SLC6A15: variants seen among roughly 807,000 people sequenced by gnomAD.
The protein encoded by SLC6A15 is solute carrier family 6 member 15, also known as sodium-dependent neutral amino acid transporter B(0)AT2.
SLC6A15 carries 33 observed loss-of-function variants against 68.5 expected under a neutral mutation model. The ratio of observed to expected loss-of-function variants is 0.48; its 90% CI spans 0.37 to 0.64. The LOEUF (loss-of-function observed/expected upper bound fraction) is 0.64. SLC6A15 is among the 30% of genes least tolerant of loss of function. The pLI, the probability that SLC6A15 is intolerant of heterozygous loss-of-function variation, is 0.00. For missense variants in SLC6A15, 747 were observed against 874.3 expected (o/e 0.85, Z 1.84); for synonymous variants, 347 against 301.0 (o/e 1.15, Z -1.58).
chr12:84,874,319 C>T (rs191617149), intron 6 of SLC6A15, among the ~76,000 whole-genome samples: 43 of 152,280 alleles, frequency 2.8e-4, no homozygotes, highest in African/African-American at 8.9e-4. Context: ...CCACTTACCA[C>T]GGTGCCTACC....
At chr12:84,862,924 G>C (rs191232096) in intron 11 of SLC6A15, among the ~76,000 whole-genome samples, 7 of 152,076 alleles carry the variant, frequency 4.6e-5, no homozygotes, top group African/African-American at 1.7e-4. Flanking sequence ...CGAGTAGCTA[G>C]GACTATAGCC....
chr12:84,912,535 T>G lies in SLC6A15; in HGVS notation c.-201A>C, dbSNP rs994642724. 2.0e-5 allele frequency: 3 copies of G among 152,578 alleles called. No individual in the cohort carries two copies. Among genetic ancestry groups the G allele is most frequent in the Non-Finnish European group, 4.4e-5 (3 of 68,360 alleles). 9.5% of individuals were successfully genotyped at this position (152,578 alleles called of 1,614,324 possible). A position where few individuals can be genotyped will look rare whatever the true frequency, so the allele number is the denominator to read the frequency against. On this transcript the variant is annotated 5_prime_UTR_variant, in exon 1 of 12. Transcript: ENST00000266682. The stretch of plus-strand genomic sequence containing the variant: ...CGCTTGCCATTACCGTCAGTGTGTC[T>G]TGACCAAGCGCCTCTTGCTGCTTCC...
chr12:84,891,241 A>C (rs986813691), intron 2 of SLC6A15, among the ~76,000 whole-genome samples: 17 of 152,220 alleles, frequency 1.1e-4, no homozygotes, highest in Non-Finnish European at 1.5e-4. Flanking sequence ...ATTGTTCCAA[A>C]ATACCCCCAT....
Position 84,900,675 on chromosome 12 carries a change from A to G in SLC6A15, c.-188-8367T>C, listed in dbSNP as rs906622432. ...TTGAATTACTGTGTTAAATTTTGACAAATTATTTTTGCCTTTATTAAGATA... is the reference window on the plus strand; with the variant it reads ...TTGAATTACTGTGTTAAATTTTGACGAATTATTTTTGCCTTTATTAAGATA... On this transcript the variant is annotated intron_variant, in intron 1 of 11. Coordinates refer to ENST00000266682, the MANE Select transcript of SLC6A15 (RefSeq NM_182767.6). Among the ~76,000 whole-genome samples the G allele has an allele frequency of 5.3e-5, 8 of 151,792 alleles. No homozygotes were observed. In the South Asian group the frequency reaches 1.7e-3, roughly 31 times the overall value.
At chr12:84,867,463 G>A in intron 9 of SLC6A15, 1 of 215,190 alleles carries the variant, frequency 4.6e-6, no homozygotes, top group Non-Finnish European at 9.1e-6. Context: ...TAATAAATGA[G>A]TCAAAGTTTA....
chr12:84,864,057 T>C (rs561923913), intron 10 of SLC6A15, among the ~76,000 whole-genome samples: 89 of 149,876 alleles, frequency 5.9e-4, no homozygotes, highest in African/African-American at 2.2e-3. Flanking sequence ...CTTTTAGTAA[T>C]AATTACTTAT....
chr12:84,892,099 C>A lies in SLC6A15; in HGVS notation c.22G>T (p.Val8Leu), dbSNP rs1872428016. The change falls in exon 2 of 12, where the codon GTA becomes TTA. Residue 8 changes from valine to leucine, a missense_variant. Physicochemically the swap from Val to Leu is conservative, Grantham distance 32 (BLOSUM62 1). Transcript: ENST00000266682. ...ACATCATCATCTAATTCTCTTTTTA[C>A]CACCTTGCTATTTTTGGGCATTGGA... MPKNSKV[V>L]KRELDDDVTE... is the part of the protein sequence containing the mutation. 1 of 1,611,984 alleles carries A rather than the reference C, an allele frequency of 6.2e-7. No homozygotes were observed. Among genetic ancestry groups the A allele is most frequent in the Admixed American group, 1.7e-5 (1 of 59,824 alleles).
intron 5 of SLC6A15, chr12:84,881,594 T>C (rs917250031): frequency 9.1e-6 from 9 of 985,206 alleles, no homozygotes; most frequent in Non-Finnish European, 1.1e-5. Flanking sequence ...CCACTTAGCA[T>C]TTTGGGGTAT....
chr12:84,887,107 T>C (rs964763109), intron 2 of SLC6A15, among the ~76,000 whole-genome samples: 1 of 152,204 alleles, frequency 6.6e-6, no homozygotes, highest in African/African-American at 2.4e-5. Flanking sequence ...CAAATTATTA[T>C]TAAATGACCT....
At chr12:84,878,858 A>G (rs1871684910) in intron 5 of SLC6A15, among the ~76,000 whole-genome samples, 1 of 147,476 alleles carries the variant, frequency 6.8e-6, no homozygotes. Context: ...TCACCTCTCA[A>G]TAGCACAACA....
At chr12:84,905,714 A>C (rs1273077889) in intron 1 of SLC6A15, among the ~76,000 whole-genome samples, 1 of 152,240 alleles carries the variant, frequency 6.6e-6, no homozygotes, top group Non-Finnish European at 1.5e-5. Flanking sequence ...CATTTGGTTG[A>C]ATCTGTGGAT....
intron 1 of SLC6A15, among the ~76,000 whole-genome samples, chr12:84,903,233 A>G (rs1872969172): frequency 6.6e-6 from 1 of 152,146 alleles, no homozygotes; most frequent in Admixed American, 6.6e-5. Context: ...AGATTTCTGA[A>G]GTAGACAAAA....
At chr12:84,881,303 G>A in intron 5 of SLC6A15, 1 of 266,294 alleles carries the variant, frequency 3.8e-6, no homozygotes, top group Non-Finnish European at 5.8e-6. Context: ...ATTCTTGAAA[G>A]GCCTTTCTTT....
intron 2 of SLC6A15, among the ~76,000 whole-genome samples, chr12:84,891,336 T>C (rs112246910): frequency 1.3e-5 from 2 of 152,310 alleles, no homozygotes; most frequent in African/African-American, 4.8e-5. Context: ...TCTGCTGGGA[T>C]CTAAATGTTC....
At chr12:84,910,868 A>G (rs1046011754) in intron 1 of SLC6A15, among the ~76,000 whole-genome samples, 1 of 152,010 alleles carries the variant, frequency 6.6e-6, no homozygotes, top group Admixed American at 6.6e-5. Context: ...CTGGTCCTCC[A>G]CTTCTGTAGG....
intron 4 of SLC6A15, among the ~76,000 whole-genome samples, 196 bp downstream of exon 4, chr12:84,885,239 G>A (rs1201883108): frequency 6.6e-6 from 1 of 152,084 alleles, no homozygotes; most frequent in African/African-American, 2.4e-5. Context: ...AACTTGGAAA[G>A]AGCTAAAAAA....
intron 11 of SLC6A15, among the ~76,000 whole-genome samples, chr12:84,863,190 G>A (rs1870922510): frequency 6.6e-6 from 1 of 151,976 alleles, no homozygotes; most frequent in African/African-American, 2.4e-5. Flanking sequence ...GTTCATCAGT[G>A]TTAAGATGGA....
At chr12:84,901,079 T>TAC (rs1491355146) in intron 1 of SLC6A15, among the ~76,000 whole-genome samples, 1 of 148,678 alleles carries the variant, frequency 6.7e-6, no homozygotes, top group Non-Finnish European at 1.5e-5. Context: ...TGTGTGTGTG[T>TAC]ATATATATAT....
At chr12:84,905,756 A>G (rs1423889782) in intron 1 of SLC6A15, among the ~76,000 whole-genome samples, 1 of 152,220 alleles carries the variant, frequency 6.6e-6, no homozygotes, top group Non-Finnish European at 1.5e-5. Flanking sequence ...GCCTAACTGT[A>G]TAAGTCACAT....
Sources: allele counts gnomAD v4.1 joint callset (sites outside exome capture counted in the v4.1 genomes callset), GRCh38; gene constraint gnomAD v4.1.1; transcripts MANE v1.5; gene names NCBI Gene and HGNC (gene_info 2026-07-23, HGNC 2026-07-21).